TGFB1I1: variants seen among roughly 807,000 people sequenced by gnomAD.
TGFB1I1 encodes transforming growth factor beta 1 induced transcript 1.
TGFB1I1 carries 33 observed loss-of-function variants against 52.0 expected under a neutral mutation model. The observed-to-expected ratio is 0.63, with a 90% CI of 0.48 to 0.85. The LOEUF is 0.85. Ranked by LOEUF, TGFB1I1 falls within the 40% of genes least tolerant of loss-of-function variation. The probability of loss-of-function intolerance (pLI) is 0.00; values close to 1 mark genes in which losing one functional copy is unlikely to be tolerated. For synonymous variants in TGFB1I1, 236 were observed against 253.3 expected (o/e 0.93, Z 0.65); for missense variants, 577 against 614.9 (o/e 0.94, Z 0.65).
Position 31,474,198 on chromosome 16 carries a change from G to A in TGFB1I1, c.372G>A (p.Glu124=). Residue 124 remains glutamate, a synonymous_variant, in exon 5 of 11, where the codon GAG becomes GAA. Coordinates refer to ENST00000394863, the MANE Select transcript of TGFB1I1 (RefSeq NM_001042454.3). This position sits in a 1 kb window ranked among gnomAD's most constrained non-coding sequence, Gnocchi z 4.2. ...CATCTAGCAAGGTGGCTTCAGGAGA[G>A]CAGAAGGAGGACCAGTCTGAAGATA... ...QFPSSKVASG[E]QKEDQSEDKK... 6.2e-7 allele frequency: 1 copy of A among 1,614,156 alleles called. No individual in the cohort carries two copies. The highest frequency in any genetic ancestry group is 1.3e-5 in the African/African-American group (1 of 75,050).
In TGFB1I1 at chr16:31,473,690, T is replaced by C. The variant is rs1468842248; in HGVS notation, c.138T>C (p.Ser46=). The part of the protein sequence containing the change: ...PSYGHQPQTG[S]GESSGASGDK... ...GCGTCTCCGCTCTGTAGACAGGGTC[T>C]GGGGAGTCTTCAGGAGCCTCGGGGG... The change falls in exon 3 of 11, where the codon TCT becomes TCC. Residue 46 remains serine, a synonymous_variant. Coordinates refer to ENST00000394863, the MANE Select transcript of TGFB1I1 (RefSeq NM_001042454.3). 1.3e-6 allele frequency: 2 copies of C among 1,558,796 alleles called. No homozygotes were observed. The highest frequency in any genetic ancestry group is 3.5e-4 in the Middle Eastern group (2 of 5,768).
chr16:31,474,034 G>A lies in TGFB1I1; in HGVS notation c.325+57G>A, dbSNP rs2082407258. 6.2e-7 allele frequency: 1 copy of A among 1,610,418 alleles called. No homozygotes were observed. The highest frequency in any genetic ancestry group is 8.5e-7 in the Non-Finnish European group (1 of 1,177,246). ...GATAGGGGCAGGGGAGGGAAGGGTG[G>A]GGCAGAGACTAAGAGGAATACACTT... On this transcript the variant is annotated intron_variant, in intron 4 of 10. Transcript: ENST00000394863. This position sits in a 1 kb window ranked among gnomAD's most constrained non-coding sequence, Gnocchi z 4.2.
At chr16:31,473,341 A>G (rs1270230038) in intron 1 of TGFB1I1, 100 bp from the exon 2 acceptor site, 1 of 1,478,346 alleles carries the variant, frequency 6.8e-7, no homozygotes, top group African/African-American at 1.4e-5. Context: ...CTCTTCTCTT[A>G]ATACTGGCTT....
rs1007234713 is a variant in TGFB1I1 at position 31,472,659 on chromosome 16, G to C, written c.13+458G>C. 1.9e-5 allele frequency: 3 copies of C among 156,980 alleles called. 1 individual carries two copies. The highest frequency in any genetic ancestry group is 6.4e-3 in the Middle Eastern group (2 of 314). 9.7% of individuals were successfully genotyped at this position (156,980 alleles called of 1,614,324 possible). A position where few individuals can be genotyped will look rare whatever the true frequency, so the allele number is the denominator to read the frequency against. On this transcript the variant is annotated intron_variant, in intron 1 of 10. Transcript: ENST00000394863. ...AGGGTCAGGTCCTTGAGGCAAGGAA[G>C]AGAATAGTAACTCAGGAGTGCCTAG... is the stretch of plus-strand genomic sequence containing the variant.
At position 31,473,514 on chromosome 16, in the gene TGFB1I1, G is replaced by T; in HGVS notation, c.87G>T (p.Ala29=). The T allele has an allele frequency of 6.2e-7, 1 of 1,613,854 alleles. No individual in the cohort carries two copies. ...PRSGAPKERP[A]EPLTPPPSYG... ...CAGGGGCTCCCAAAGAGCGCCCTGC[G>T]GAGCCTCTCACCCCTCCCCCATCCT... Residue 29 remains alanine (A), a synonymous_variant, in exon 2 of 11, where the codon GCG becomes GCT. Transcript: ENST00000394863.
chr16:31,477,485 C>G lies in TGFB1I1; in HGVS notation c.1295C>G (p.Thr432Ser), dbSNP rs2082434060. ...RRFHPDHFTCTFCLRPLTKGS... is the reference protein window; with the variant it reads ...RRFHPDHFTCSFCLRPLTKGS... Reference sequence around the variant, plus strand: ...TTCCACCCGGACCACTTCACATGCACCTTCTGCCTGCGCCCGCTCACCAAG... The same window carrying G: ...TTCCACCCGGACCACTTCACATGCAGCTTCTGCCTGCGCCCGCTCACCAAG... The change falls in exon 11 of 11, where the codon ACC becomes AGC. Residue 432 changes from threonine to serine, a missense_variant. Around this residue, in one of 3 missense-constraint regions of TGFB1I1, gnomAD observed 456 missense variants for 461.6 expected, o/e 0.99. Transcript: ENST00000394863. This position sits in a 1 kb window ranked among gnomAD's most constrained non-coding sequence, Gnocchi z 4.7. 3 of 1,606,794 alleles carry G rather than the reference C, an allele frequency of 1.9e-6. No individual in the cohort carries two copies. The South Asian group carries it at 3.3e-5, about 18-fold the overall frequency.
At position 31,477,399 on chromosome 16, in the gene TGFB1I1, G is replaced by GCTGTGCGCCACGTGTGGCCTCC; in HGVS notation, c.1215_1236dup (p.Thr413ArgfsTer?). On this transcript the variant is annotated frameshift_variant, in exon 11 of 11. Coordinates refer to ENST00000394863, the MANE Select transcript of TGFB1I1 (RefSeq NM_001042454.3). LOFTEE classifies it high-confidence loss of function. The surrounding 1 kb of genome is among the most constrained non-coding windows in gnomAD (Gnocchi z 4.7). ...ACCACTTCCACGCACGACGCGGCTCGCTGTGCGCCACGTGTGGCCTCCCTG... is the reference window on the plus strand; with the variant it reads ...ACCACTTCCACGCACGACGCGGCTCGCTGTGCGCCACGTGTGGCCTCCCTGTGCGCCACGTGTGGCCTCCCTG... 1 of 1,609,752 alleles carries GCTGTGCGCCACGTGTGGCCTCC rather than the reference G, an allele frequency of 6.2e-7. No homozygotes were observed. Among genetic ancestry groups the GCTGTGCGCCACGTGTGGCCTCC allele is most frequent in the Non-Finnish European group, 8.5e-7 (1 of 1,178,578 alleles).
At position 31,474,159 on chromosome 16, in the gene TGFB1I1, C is replaced by T. The variant is rs772095059; in HGVS notation, c.333C>T (p.Ile111=). 2 of 1,614,034 alleles carry T rather than the reference C, an allele frequency of 1.2e-6. No individual in the cohort carries two copies. Among genetic ancestry groups the T allele is most frequent in the Non-Finnish European group, 1.7e-6 (2 of 1,179,976 alleles). Residue 111 remains isoleucine (I), a synonymous_variant, in exon 5 of 11, where the codon ATC becomes ATT. Transcript: ENST00000394863. This position sits in a 1 kb window ranked among gnomAD's most constrained non-coding sequence, Gnocchi z 4.2. ...NATQFNITDE[I]MSQFPSSKVA... ...CTCCTCTCCTCTCTCCAGATGAAAT[C>T]ATGTCTCAGTTCCCATCTAGCAAGG...
In TGFB1I1 at chr16:31,477,804, C is replaced by T; in HGVS notation, c.*228C>T. 1 of 603,534 alleles carries T rather than the reference C, an allele frequency of 1.7e-6. No individual in the cohort carries two copies. The highest frequency in any genetic ancestry group is 2.4e-5 in the South Asian group (1 of 41,576). The allele number at this position is 603,534 out of a possible 1,614,324, so 37.4% of individuals were successfully genotyped here. ...CACAGACAAGAACTCCCGTGCGGGC[C>T]TCCACTCTATTCCCACCCTTGAGGG... On this transcript the variant is annotated 3_prime_UTR_variant, in exon 11 of 11. Transcript: ENST00000394863. The surrounding 1 kb of genome is among the most constrained non-coding windows in gnomAD (Gnocchi z 4.7).
chr16:31,477,160 G>C lies in TGFB1I1; in HGVS notation c.1119+150G>C. On this transcript the variant is annotated intron_variant, in intron 10 of 10. Transcript: ENST00000394863. The surrounding 1 kb of genome is among the most constrained non-coding windows in gnomAD (Gnocchi z 4.7). ...GAGGTGCTGCTAGGAACCTCGGGTG[G>C]GGCGAGTTTTCCGGGCAGGGTCCCA... 1.4e-6 allele frequency: 2 copies of C among 1,425,380 alleles called. No homozygotes were observed. Among genetic ancestry groups the C allele is most frequent in the South Asian group, 1.4e-5 (1 of 69,608 alleles). 88.3% of individuals were successfully genotyped at this position (1,425,380 alleles called of 1,614,324 possible). A position where few individuals can be genotyped will look rare whatever the true frequency, so the allele number is the denominator to read the frequency against.
In TGFB1I1 at chr16:31,473,518, C is replaced by A. The variant is rs772448686; in HGVS notation, c.91C>A (p.Pro31Thr). 43 of 1,613,796 alleles carry A rather than the reference C, an allele frequency of 2.7e-5. No individual in the cohort carries two copies. Among genetic ancestry groups the A allele is most frequent in the Non-Finnish European group, 3.3e-5 (39 of 1,180,030 alleles). ...SGAPKERPAEPLTPPPSYGHQ... is the reference protein window; with the variant it reads ...SGAPKERPAETLTPPPSYGHQ... ...GGCTCCCAAAGAGCGCCCTGCGGAG[C>A]CTCTCACCCCTCCCCCATCCTATGG... Residue 31 changes from proline (P) to threonine (T), a missense_variant, in exon 2 of 11, where the codon CCT becomes ACT. Transcript: ENST00000394863.
Position 31,476,562 on chromosome 16 carries a change from G to C in TGFB1I1, c.970G>C (p.Gly324Arg). 1 of 1,612,354 alleles carries C rather than the reference G, an allele frequency of 6.2e-7. No homozygotes were observed. Among genetic ancestry groups the C allele is most frequent in the Middle Eastern group, 1.7e-4 (1 of 6,058 alleles). Residue 324 changes from glycine to arginine, a missense_variant and splice_region_variant, in exon 9 of 11, where the codon GGT becomes CGT. By Grantham distance (125) the Gly-to-Arg change is moderately radical (BLOSUM62 -2). This residue lies in a region of TGFB1I1 where 456 missense variants were observed against 461.6 expected (regional missense o/e 0.99). Coordinates refer to ENST00000394863, the MANE Select transcript of TGFB1I1 (RefSeq NM_001042454.3). This position sits in a 1 kb window ranked among gnomAD's most constrained non-coding sequence, Gnocchi z 7.6. ...VSCGEPFGDE[G>R]FHEREGRPYC... ...TTGCGGGGAGCCCTTCGGAGATGAG[G>C]GTGAGAGTGAACTCGACTCCCATCT...
chr16:31,475,904 C>T (rs921179893), intron 7 of TGFB1I1, 108 bp from the exon 8 acceptor site: 16 of 1,224,174 alleles, frequency 1.3e-5, no homozygotes, highest in Non-Finnish European at 1.6e-5. Flanking sequence ...ACACTGGATT[C>T]TTTATTCTGA....
In TGFB1I1 at chr16:31,477,239, C is replaced by T. The variant is rs536746583; in HGVS notation, c.1120-71C>T. The T allele has an allele frequency of 3.9e-6, 6 of 1,542,158 alleles. No homozygotes were observed. In the Admixed American group the frequency reaches 7.3e-5, roughly 19 times the overall value. ...GGCTGCGGGGTCCCAGGGCGTTATC[C>T]GCTAGTAACGCGCGTTGTCTGGCAG... On this transcript the variant is annotated intron_variant, in intron 10 of 10. Coordinates refer to ENST00000394863, the MANE Select transcript of TGFB1I1 (RefSeq NM_001042454.3). The surrounding 1 kb of genome is among the most constrained non-coding windows in gnomAD (Gnocchi z 4.7).
In TGFB1I1 at chr16:31,473,851, C is replaced by T. The variant is rs2082405655; in HGVS notation, c.199C>T (p.Arg67Trp). 3.1e-6 allele frequency: 5 copies of T among 1,614,152 alleles called. No individual in the cohort carries two copies. Among genetic ancestry groups the T allele is most frequent in the Middle Eastern group, 1.7e-4 (1 of 6,060 alleles). ...GCTTCCCAGCACGGTATGCAAGCCT[C>T]GGTCCCCAAAGCCTGCAGCCCCGGC... ...DHLYSTVCKP[R>W]SPKPAAPAAP... The change falls in exon 4 of 11, where the codon CGG becomes TGG. Residue 67 changes from arginine (R) to tryptophan (W), a missense_variant. Transcript: ENST00000394863.
chr16:31,474,469 T>C lies in TGFB1I1; in HGVS notation c.519+14T>C, dbSNP rs45526231. ...GTTCAAAACCATGTGAGTTGGGCAGTGGGCCAGTGTCCATTTGTGGCTCCC... is the reference window on the plus strand; with the variant it reads ...GTTCAAAACCATGTGAGTTGGGCAGCGGGCCAGTGTCCATTTGTGGCTCCC... On this transcript the variant is annotated intron_variant, in intron 6 of 10. Transcript: ENST00000394863. The surrounding 1 kb of genome is among the most constrained non-coding windows in gnomAD (Gnocchi z 4.2). 5.1e-4 allele frequency: 825 copies of C among 1,614,070 alleles called. 18 individuals are homozygous for C. In the East Asian group the frequency reaches 0.018, roughly 36 times the overall value.
rs554478619 is a variant in TGFB1I1, at chr16:31,474,699, G to T, written c.656G>T (p.Gly219Val). ...CTGCAGTCCGACCTCAGCCGCCGGG[G>T]TGTTCCCACCCAGGCCAAAGGCCTC... ...GLLQSDLSRR[G>V]VPTQAKGLCG... The change falls in exon 7 of 11, where the codon GGT (glycine) becomes GTT (valine). Residue 219 changes from glycine (G) to valine (V), a missense_variant. Physicochemically the swap from Gly to Val is moderately radical, Grantham distance 109. Transcript: ENST00000394863. The surrounding 1 kb of genome is among the most constrained non-coding windows in gnomAD (Gnocchi z 4.2). 3 of 1,612,952 alleles carry T rather than the reference G, an allele frequency of 1.9e-6. No individual in the cohort carries two copies. In the East Asian group the frequency reaches 6.7e-5, roughly 36 times the overall value.
rs1349121443 is a variant in TGFB1I1, at chr16:31,477,143, G to C, written c.1119+133G>C. The C allele has an allele frequency of 1.4e-6, 2 of 1,409,432 alleles. No homozygotes were observed. The highest frequency in any genetic ancestry group is 1.4e-5 in the African/African-American group (1 of 69,676). 87.3% of individuals were successfully genotyped at this position (1,409,432 alleles called of 1,614,324 possible). On this transcript the variant is annotated intron_variant, in intron 10 of 10. Coordinates refer to ENST00000394863, the MANE Select transcript of TGFB1I1 (RefSeq NM_001042454.3). This position sits in a 1 kb window ranked among gnomAD's most constrained non-coding sequence, Gnocchi z 4.7. The stretch of plus-strand genomic sequence containing the variant: ...GGGGGGGCGGGTCACGGGAGGTGCT[G>C]CTAGGAACCTCGGGTGGGGCGAGTT...
At chr16:31,472,510 C>T (rs1567381703) in intron 1 of TGFB1I1, 2 of 334,276 alleles carry the variant, frequency 6.0e-6, no homozygotes, top group Non-Finnish European at 1.1e-5. Flanking sequence ...AAAGGGGCCT[C>T]GGCCCGGGGA....
Sources: allele counts gnomAD v4.1 joint callset, GRCh38; gene constraint gnomAD v4.1.1; regional missense constraint gnomAD v4.1.1; non-coding constraint Gnocchi (gnomAD v3.1); transcripts MANE v1.5; gene names NCBI Gene and HGNC (gene_info 2026-07-23, HGNC 2026-07-21).